ADGRL2: variants seen among roughly 807,000 people sequenced by gnomAD.
The protein encoded by ADGRL2 is calcium-independent alpha-latrotoxin receptor 2.
In ADGRL2, 44 loss-of-function variants were observed where a neutral mutation model predicts 157.4. The ratio of observed to expected loss-of-function variants is 0.28; its 90% CI spans 0.22 to 0.36. The LOEUF (loss-of-function observed/expected upper bound fraction) is 0.36, where lower values mean the gene tolerates loss of function less well. Among genes scored for constraint, ADGRL2 ranks in the 10% least tolerant of loss-of-function variants. The pLI, the probability that ADGRL2 is intolerant of heterozygous loss-of-function variation, is 1.00. For missense variants in ADGRL2, 1,510 were observed against 1,768.9 expected (o/e 0.85, Z 2.63); for synonymous variants, 585 against 624.7 (o/e 0.94, Z 0.95).
At chr1:81,407,795 G>A (rs558920753) in intron 1 of ADGRL2, among the ~76,000 whole-genome samples, 6 of 152,164 alleles carry the variant, frequency 3.9e-5, no homozygotes, top group African/African-American at 7.2e-5. Flanking sequence ...ATGAAATAGG[G>A]GAAGGAGAAA....
intron 2 of ADGRL2, among the ~76,000 whole-genome samples, chr1:81,564,655 C>T (rs1363788638): frequency 2.0e-5 from 3 of 152,154 alleles, no homozygotes; most frequent in African/African-American, 7.2e-5. Context: ...CATCTCATCT[C>T]TTGCCATATT....
intron 2 of ADGRL2, among the ~76,000 whole-genome samples, chr1:81,539,697 A>G (rs1469314025): frequency 3.3e-5 from 5 of 152,114 alleles, no homozygotes; most frequent in Non-Finnish European, 5.9e-5. Context: ...GACTCTTACC[A>G]CTACTCTCTT....
Position 81,502,422 on chromosome 1 carries a change from G to A in ADGRL2, c.-248+57333G>A, listed in dbSNP as rs534617142. On this transcript the variant is annotated intron_variant, in intron 2 of 24. Transcript: ENST00000370721. ...TTTGCCAAGCTGTATGAACTGGACG[G>A]TGATCCTGAAAGGAAAGAGTTCCTG... 6.2e-5 allele frequency: 100 copies of A among 1,614,092 alleles called. No individual in the cohort carries two copies. The African/African-American group carries it at 1.2e-3, about 20-fold the overall frequency.
intron 2 of ADGRL2, among the ~76,000 whole-genome samples, chr1:81,510,545 C>A (rs961096829): frequency 1.3e-4 from 19 of 151,922 alleles, no homozygotes; most frequent in African/African-American, 4.6e-4. Context: ...AAAAAAGAAA[C>A]AATTTTACAT....
At chr1:81,474,144 C>T (rs907322712) in intron 2 of ADGRL2, among the ~76,000 whole-genome samples, 3 of 152,158 alleles carry the variant, frequency 2.0e-5, no homozygotes, top group Non-Finnish European at 4.4e-5. Context: ...ATGAAATGAA[C>T]GTTTGAGTTT....
At chr1:81,662,921 G>C (rs1426418981) in intron 3 of ADGRL2, among the ~76,000 whole-genome samples, 1 of 152,018 alleles carries the variant, frequency 6.6e-6, no homozygotes, top group Non-Finnish European at 1.5e-5. Flanking sequence ...ACTGCTTAAA[G>C]GTTTTTCAAG....
chr1:81,614,754 G>A (rs1332240511), intron 3 of ADGRL2, among the ~76,000 whole-genome samples: 1 of 151,922 alleles, frequency 6.6e-6, no homozygotes, highest in African/African-American at 2.4e-5. Flanking sequence ...GCCAGGCTCA[G>A]TAGCTCACGC....
intron 2 of ADGRL2, among the ~76,000 whole-genome samples, chr1:81,457,812 C>A (rs1452405154): frequency 6.6e-6 from 1 of 152,164 alleles, no homozygotes; most frequent in Non-Finnish European, 1.5e-5. Context: ...GGCCTCACAT[C>A]ATTTCATAAT....
intron 1 of ADGRL2, among the ~76,000 whole-genome samples, chr1:81,390,411 T>C (rs1190527004): frequency 6.6e-6 from 1 of 152,424 alleles, no homozygotes; most frequent in East Asian, 1.9e-4. Context: ...ATATTAGCCA[T>C]TGGTATAACA....
At chr1:81,817,348 T>G (rs1440659621) in intron 1 of ADGRL2, among the ~76,000 whole-genome samples, 3 of 151,934 alleles carry the variant, frequency 2.0e-5, no homozygotes, top group African/African-American at 7.2e-5. Flanking sequence ...AAGCTAAGTC[T>G]TATCTTTAGT....
intron 1 of ADGRL2, among the ~76,000 whole-genome samples, chr1:81,395,320 TG>T (rs561781893): frequency 2.0e-5 from 3 of 152,286 alleles, no homozygotes; most frequent in Non-Finnish European, 4.4e-5. Flanking sequence ...CTTGGCCACT[TG>T]TATGTCTTTT....
chr1:81,660,646 C>T (rs1465476269), intron 3 of ADGRL2, among the ~76,000 whole-genome samples: 1 of 151,960 alleles, frequency 6.6e-6, no homozygotes, highest in Non-Finnish European at 1.5e-5. Context: ...TAGTGGTTTT[C>T]CTTTTTCAAA....
upstream of ADGRL2, among the ~76,000 whole-genome samples, chr1:81,796,295 GT>G (rs1427401657): frequency 6.6e-6 from 1 of 152,074 alleles, no homozygotes; most frequent in Non-Finnish European, 1.5e-5. Flanking sequence ...TGCAGGAGGT[GT>G]TTTTTTAAAC....
intron 3 of ADGRL2, among the ~76,000 whole-genome samples, chr1:81,677,219 A>T (rs534683793): frequency 6.6e-6 from 1 of 152,054 alleles, no homozygotes; most frequent in South Asian, 2.1e-4. Flanking sequence ...CCCTGACCTC[A>T]GGTGATCTGC....
chr1:81,394,993 G>C (rs2076629641), intron 1 of ADGRL2, among the ~76,000 whole-genome samples: 1 of 151,914 alleles, frequency 6.6e-6, no homozygotes, highest in South Asian at 2.1e-4. Context: ...CCACCTCCCA[G>C]GTTCAAGCAA....
intron 2 of ADGRL2, among the ~76,000 whole-genome samples, chr1:81,551,346 C>T (rs755399002): frequency 6.6e-6 from 1 of 152,010 alleles, no homozygotes; most frequent in Admixed American, 6.6e-5. Context: ...CAGCTTTTGT[C>T]GAGTGTCACC....
At position 81,416,127 on chromosome 1, in the gene ADGRL2, G is replaced by A. The variant is rs576078474; in HGVS notation, c.-301-28909G>A. Among the ~76,000 whole-genome samples, 6 of 152,200 alleles carry A rather than the reference G, an allele frequency of 3.9e-5. No individual in the cohort carries two copies. In the East Asian group the frequency reaches 1.2e-3, roughly 29 times the overall value. On this transcript the variant is annotated intron_variant, in intron 1 of 24. Transcript: ENST00000370721. ...GGCCTCCCAAAGTGCTGGGATTACAGGCGTGAGCCACTGTGCCTGGCCGGT... is the reference window on the plus strand; with the variant it reads ...GGCCTCCCAAAGTGCTGGGATTACAAGCGTGAGCCACTGTGCCTGGCCGGT...
chr1:81,503,059 C>T, intron 2 of ADGRL2: 2 of 1,609,814 alleles, frequency 1.2e-6, no homozygotes, highest in African/African-American at 1.3e-5. Context: ...GGAGCAGCTG[C>T]GGGAGCGGCT....
At chr1:81,554,106 G>T (rs1056869902) in intron 2 of ADGRL2, among the ~76,000 whole-genome samples, 4 of 152,068 alleles carry the variant, frequency 2.6e-5, no homozygotes, top group Non-Finnish European at 5.9e-5. Flanking sequence ...GATGACAGCT[G>T]GATTCTTCAC....
Sources: gnomAD v4.1 joint callset for allele counts (sites outside exome capture counted in the v4.1 genomes callset) on GRCh38, gnomAD v4.1.1 for gene constraint, MANE v1.5 for transcripts, NCBI Gene and HGNC (gene_info 2026-07-23, HGNC 2026-07-21) for gene names.